CTNNA3: variants seen among roughly 807,000 people sequenced by gnomAD.
The protein encoded by CTNNA3 is catenin alpha 3.
Under a neutral mutation model 95.7 loss-of-function variants are expected in CTNNA3, and 76 were observed. The observed-to-expected ratio is 0.79, with a 90% CI of 0.66 to 0.96. CTNNA3 has a LOEUF of 0.96. Ranked by LOEUF, CTNNA3 falls within the 40% of genes least tolerant of loss-of-function variation. CTNNA3 has a pLI of 0.00. For missense variants in CTNNA3, 1,191 were observed against 1,089.8 expected, an observed-to-expected ratio of 1.09 and a Z score of -1.31; for synonymous variants, 431 against 374.4, an observed-to-expected ratio of 1.15 and a Z score of -1.74.
chr10:67,322,684 A>G (rs1391348871), intron 5 of CTNNA3, among the ~76,000 whole-genome samples: 1 of 152,220 alleles, frequency 6.6e-6, no homozygotes, highest in Non-Finnish European at 1.5e-5. Context: ...CAATTAGCAC[A>G]CAAGTGCATG....
At chr10:66,277,621 C>T (rs74806877) in intron 13 of CTNNA3, among the ~76,000 whole-genome samples, 11,011 of 152,054 alleles carry the variant, frequency 0.072, 517 homozygotes, top group Admixed American at 0.12. Flanking sequence ...ACCCAGTTAG[C>T]GATTAAGTCC....
chr10:66,167,220 A>G (rs2085181217), intron 13 of CTNNA3, among the ~76,000 whole-genome samples: 1 of 152,214 alleles, frequency 6.6e-6, no homozygotes, highest in African/African-American at 2.4e-5. Context: ...TTCTACTTTT[A>G]AAGCAGGTAA....
intron 9 of CTNNA3, among the ~76,000 whole-genome samples, chr10:66,658,158 T>C (rs187322193): frequency 7.1e-4 from 108 of 152,272 alleles, no homozygotes; most frequent in African/African-American, 2.5e-3. Flanking sequence ...TAGTAACTTG[T>C]CTGGGAGACC....
intron 7 of CTNNA3, among the ~76,000 whole-genome samples, chr10:66,993,906 C>T (rs950427197): frequency 3.9e-5 from 6 of 152,076 alleles, no homozygotes; most frequent in Non-Finnish European, 8.8e-5. Flanking sequence ...TCTTGTTTCT[C>T]CCAACATTTA....
intron 7 of CTNNA3, among the ~76,000 whole-genome samples, chr10:67,035,203 T>C (rs537256106): frequency 4.4e-4 from 67 of 152,224 alleles, no homozygotes; most frequent in Non-Finnish European, 8.5e-4. Flanking sequence ...ATGTATAGCA[T>C]AGTGCTCTGC....
At chr10:67,761,381 C>T (rs959685574) in intron 1 of CTNNA3, among the ~76,000 whole-genome samples, 5 of 152,084 alleles carry the variant, frequency 3.3e-5, no homozygotes, top group Admixed American at 2.0e-4. Flanking sequence ...AAAATGCTCC[C>T]AAAACCATCA....
At chr10:67,439,762 A>C (rs545627881) in intron 5 of CTNNA3, among the ~76,000 whole-genome samples, 1 of 151,900 alleles carries the variant, frequency 6.6e-6, no homozygotes, top group Admixed American at 6.6e-5. Flanking sequence ...CCTTGAAGGG[A>C]AAGACCAAGT....
At chr10:67,541,533 C>A (rs549045200) in intron 3 of CTNNA3, among the ~76,000 whole-genome samples, 2 of 152,126 alleles carry the variant, frequency 1.3e-5, no homozygotes, top group South Asian at 4.1e-4. Flanking sequence ...TATATTCCCC[C>A]TCTAGTTCTG....
chr10:66,368,867 T>A (rs1948943), intron 12 of CTNNA3, among the ~76,000 whole-genome samples: 2,794 of 152,234 alleles, frequency 0.018, 100 homozygotes, highest in African/African-American at 0.065. Context: ...GGAATTTGTA[T>A]AACCTTTCTT....
At chr10:67,386,929 C>A (rs1844191886) in intron 5 of CTNNA3, among the ~76,000 whole-genome samples, 1 of 152,188 alleles carries the variant, frequency 6.6e-6, no homozygotes, top group African/African-American at 2.4e-5. Context: ...AAAGCACATA[C>A]AATTCTCACA....
chr10:66,543,227 G>A (rs1031148583), intron 10 of CTNNA3, among the ~76,000 whole-genome samples: 2 of 151,934 alleles, frequency 1.3e-5, no homozygotes, highest in African/African-American at 4.8e-5. Context: ...CGAGTAGCTG[G>A]GATTACAGGT....
intron 3 of CTNNA3, among the ~76,000 whole-genome samples, chr10:67,547,721 A>C (rs1840888566): frequency 2.0e-5 from 3 of 152,218 alleles, no homozygotes; most frequent in African/African-American, 7.2e-5. Context: ...GGAGCATAAA[A>C]ATTTAGTGAA....
At chr10:67,008,963 T>C (rs1410361033) in intron 7 of CTNNA3, among the ~76,000 whole-genome samples, 1 of 152,178 alleles carries the variant, frequency 6.6e-6, no homozygotes, top group East Asian at 1.9e-4. Context: ...CTTGGGTGGG[T>C]ATAAAACCTT....
At chr10:65,978,463 C>T in intron 16 of CTNNA3, among the ~76,000 whole-genome samples, 1 of 148,790 alleles carries the variant, frequency 6.7e-6, no homozygotes, top group Non-Finnish European at 1.5e-5. Context: ...TTGTTGTTCT[C>T]AGCTTTTGTT....
intron 12 of CTNNA3, among the ~76,000 whole-genome samples, chr10:66,289,072 A>G (rs2091636696): frequency 6.6e-6 from 1 of 151,982 alleles, no homozygotes; most frequent in Admixed American, 6.6e-5. Flanking sequence ...CAGCTGATGA[A>G]ATTGTACTAA....
chr10:66,765,682 C>T (rs1401493616), intron 9 of CTNNA3, among the ~76,000 whole-genome samples: 1 of 152,158 alleles, frequency 6.6e-6, no homozygotes, highest in African/African-American at 2.4e-5. Context: ...CACTTCACAG[C>T]TCCTTCAGCA....
At chr10:66,256,293 A>G (rs946174495) in intron 13 of CTNNA3, among the ~76,000 whole-genome samples, 1 of 152,224 alleles carries the variant, frequency 6.6e-6, no homozygotes, top group Non-Finnish European at 1.5e-5. Flanking sequence ...TTCTGGCTGT[A>G]CACTTTCTAA....
chr10:67,223,622 G>A (rs1864756117), intron 5 of CTNNA3, among the ~76,000 whole-genome samples: 3 of 152,198 alleles, frequency 2.0e-5, no homozygotes. Flanking sequence ...AGTAACATAT[G>A]AGTTTTAACC....
chr10:66,721,842 A>G (rs534365357), intron 9 of CTNNA3, among the ~76,000 whole-genome samples: 1 of 152,298 alleles, frequency 6.6e-6, no homozygotes, highest in Admixed American at 6.5e-5. Flanking sequence ...TTTGGGCATC[A>G]CTGTTAATCC....
Sources: allele counts gnomAD v4.1 joint callset (sites outside exome capture counted in the v4.1 genomes callset), GRCh38; gene constraint gnomAD v4.1.1; transcripts MANE v1.5; gene names NCBI Gene and HGNC (gene_info 2026-07-23, HGNC 2026-07-21).